The following KIF24 variants were observed in gnomAD, a reference collection of about 807,000 sequenced individuals.
KIF24 encodes the protein kinesin-like protein KIF24.
KIF24 carries 81 observed loss-of-function variants against 118.9 expected under a neutral mutation model. The ratio of observed to expected loss-of-function variants is 0.68; its 90% CI spans 0.57 to 0.82. The LOEUF is 0.82. Among genes scored for constraint, KIF24 ranks in the 40% least tolerant of loss-of-function variants. The probability of loss-of-function intolerance (pLI) is 0.00; values close to 1 mark genes in which losing one functional copy is unlikely to be tolerated. For missense variants in KIF24, 1,560 were observed against 1,661.6 expected (o/e 0.94, Z 1.06); for synonymous variants, 599 against 610.0 (o/e 0.98, Z 0.27).
chr9:34,296,139 A>G (rs1240813728), intron 4 of KIF24, among the ~76,000 whole-genome samples: 2 of 146,566 alleles, frequency 1.4e-5, no homozygotes, highest in Non-Finnish European at 3.0e-5. Flanking sequence ...GAATGGCGTG[A>G]ACCCGGGAGG....
Position 34,253,227 on chromosome 9 carries a change from AG to A in KIF24, c.*1152del, listed in dbSNP as rs1218771330. The A allele has an allele frequency of 6.6e-6, 1 of 152,244 alleles. No homozygotes were observed. Among genetic ancestry groups the A allele is most frequent in the Non-Finnish European group, 1.5e-5 (1 of 68,050 alleles). The allele number at this position is 152,244 out of a possible 1,614,324, so 9.4% of individuals were successfully genotyped here. A position where few individuals can be genotyped will look rare whatever the true frequency, so the allele number is the denominator to read the frequency against. On this transcript the variant is annotated 3_prime_UTR_variant, in exon 13 of 13. Coordinates refer to ENST00000402558, the MANE Select transcript of KIF24 (RefSeq NM_194313.4). ...AAGCCCTCCTTTTAAAACCGTAAAAAGTTATCCTTTATCTGAAGGAAATAAA... is the reference window on the plus strand; with the variant it reads ...AAGCCCTCCTTTTAAAACCGTAAAAATTATCCTTTATCTGAAGGAAATAAA...
rs769868709 is a variant in KIF24, at chr9:34,306,481, G to C, written c.624-40C>G. 13 of 1,356,972 alleles carry C rather than the reference G, an allele frequency of 9.6e-6. No individual in the cohort carries two copies. The East Asian group carries it at 3.0e-4, about 31-fold the overall frequency. 84.1% of individuals were successfully genotyped at this position (1,356,972 alleles called of 1,614,324 possible). ...AACAGGCTTTTAATTTTTAATAATA[G>C]GACAAGATTACTTAACAGGTCAAAG... On this transcript the variant is annotated intron_variant, in intron 2 of 12. Coordinates refer to ENST00000402558, the MANE Select transcript of KIF24 (RefSeq NM_194313.4).
chr9:34,254,176 A>G lies in KIF24; in HGVS notation c.*204T>C, dbSNP rs1351159591. On this transcript the variant is annotated 3_prime_UTR_variant, in exon 13 of 13. Transcript: ENST00000402558. Reference sequence around the variant, plus strand: ...CCCACCCTTGGAGGCACTCCTGTGCATGGAACTGAGGGACAGGGGCCTGTC... The same window carrying G: ...CCCACCCTTGGAGGCACTCCTGTGCGTGGAACTGAGGGACAGGGGCCTGTC... 6.4e-6 allele frequency: 3 copies of G among 470,934 alleles called. No homozygotes were observed. Among genetic ancestry groups the G allele is most frequent in the Non-Finnish European group, 1.1e-5 (3 of 270,528 alleles). The allele number at this position is 470,934 out of a possible 1,614,324, so 29.2% of individuals were successfully genotyped here.
intron 4 of KIF24, among the ~76,000 whole-genome samples, chr9:34,293,477 CA>C (rs35730248): frequency 3.9e-4 from 47 of 121,978 alleles, no homozygotes; most frequent in Non-Finnish European, 5.0e-4. Context: ...GACTCTATCT[CA>C]AAAAAAAAAA....
intron 8 of KIF24, 103 bp from the exon 9 acceptor site, chr9:34,263,275 A>T: frequency 1.3e-6 from 1 of 795,436 alleles, no homozygotes; most frequent in Non-Finnish European, 2.2e-6. Context: ...AATAAACCAC[A>T]CTCAGACAAT....
At chr9:34,254,541 G>C (rs751835344) in intron 12 of KIF24, 21 bp from the exon 13 acceptor site, 1 of 1,610,228 alleles carries the variant, frequency 6.2e-7, no homozygotes. Context: ...AACAAGGGAC[G>C]AATACAGCTT....
intron 6 of KIF24, among the ~76,000 whole-genome samples, chr9:34,281,187 G>A (rs1452265641): frequency 2.6e-5 from 4 of 151,958 alleles, no homozygotes; most frequent in Non-Finnish European, 5.9e-5. Context: ...CACCATACCC[G>A]GCTCATTTTT....
intron 1 of KIF24, among the ~76,000 whole-genome samples, chr9:34,325,247 A>G (rs1837637054): frequency 6.6e-6 from 1 of 151,736 alleles, no homozygotes; most frequent in Non-Finnish European, 1.5e-5. Context: ...TGGGAGGCTG[A>G]GATGGGAGGA....
chr9:34,276,269 G>A (rs928949515), intron 6 of KIF24, among the ~76,000 whole-genome samples: 2 of 151,584 alleles, frequency 1.3e-5, no homozygotes, highest in East Asian at 1.9e-4. Context: ...AGGGATGGTG[G>A]TGCGCACCTG....
At chr9:34,304,045 G>C (rs1352908103) in intron 3 of KIF24, among the ~76,000 whole-genome samples, 2 of 152,010 alleles carry the variant, frequency 1.3e-5, no homozygotes, top group Non-Finnish European at 2.9e-5. Flanking sequence ...AAGTTTAATG[G>C]TTTGGTAGGA....
At chr9:34,278,740 T>C (rs1322094965) in intron 6 of KIF24, among the ~76,000 whole-genome samples, 1 of 152,188 alleles carries the variant, frequency 6.6e-6, no homozygotes, top group Non-Finnish European at 1.5e-5. Flanking sequence ...AACTAAACTC[T>C]GTTGGGCAAG....
Position 34,255,719 on chromosome 9 carries a change from A to C in KIF24, c.3872+16T>G, listed in dbSNP as rs1309216498. ...TGCCAAAGGGGCTCAAGTCTTAGGG[A>C]AAGTGTCCAACTTACTGCGCTTGCT... On this transcript the variant is annotated intron_variant, in intron 11 of 12. Coordinates refer to ENST00000402558, the MANE Select transcript of KIF24 (RefSeq NM_194313.4). 1.9e-6 allele frequency: 3 copies of C among 1,591,302 alleles called. No individual in the cohort carries two copies.
chr9:34,293,416 G>C (rs1245645596), intron 4 of KIF24, among the ~76,000 whole-genome samples: 2 of 146,748 alleles, frequency 1.4e-5, no homozygotes, highest in African/African-American at 5.0e-5. Context: ...GGAGGCGGAA[G>C]TTGCAGTGAG....
intron 2 of KIF24, 75 bp downstream of exon 2, chr9:34,310,649 G>C (rs907858388): frequency 1.9e-6 from 2 of 1,031,518 alleles, no homozygotes; most frequent in Non-Finnish European, 1.4e-6. Context: ...GATGCTGTCT[G>C]CTGGACATGA....
chr9:34,254,433 A>T lies in KIF24; in HGVS notation c.4054T>A (p.Tyr1352Asn). 1.2e-6 allele frequency: 2 copies of T among 1,613,930 alleles called. No homozygotes were observed. Among genetic ancestry groups the T allele is most frequent in the Non-Finnish European group, 1.7e-6 (2 of 1,179,862 alleles). ...IQSLRSQLQLYLTCHGPTAAP... is the reference protein window; with the variant it reads ...IQSLRSQLQLNLTCHGPTAAP... Reference sequence around the variant, plus strand: ...GCGGTGGGCCCGTGGCAGGTGAGATAGAGCTGCAGCTGGCTCCTCAGACTC... The same window carrying T: ...GCGGTGGGCCCGTGGCAGGTGAGATTGAGCTGCAGCTGGCTCCTCAGACTC... The change falls in exon 13 of 13, where the codon TAT becomes AAT. Residue 1352 changes from tyrosine (Y) to asparagine (N), a missense_variant. Physicochemically the swap from Tyr to Asn is moderately radical, Grantham distance 143. Around this residue, in one of 3 missense-constraint regions of KIF24, gnomAD observed 591 missense variants for 655.6 expected, o/e 0.90. Transcript: ENST00000402558.
chr9:34,308,369 T>C (rs1009747405), intron 2 of KIF24, among the ~76,000 whole-genome samples: 7 of 151,856 alleles, frequency 4.6e-5, no homozygotes, highest in Admixed American at 2.6e-4. Flanking sequence ...CTGCAACCTC[T>C]GCCTCCTGGG....
At chr9:34,264,955 C>T (rs1036212846) in intron 8 of KIF24, among the ~76,000 whole-genome samples, 6 of 151,732 alleles carry the variant, frequency 4.0e-5, no homozygotes, top group Admixed American at 1.3e-4. Flanking sequence ...TTGAGGATGC[C>T]GTTAAGTGAC....
chr9:34,288,630 T>C (rs1412206942), intron 5 of KIF24, among the ~76,000 whole-genome samples: 2 of 151,866 alleles, frequency 1.3e-5, no homozygotes, highest in African/African-American at 4.8e-5. Flanking sequence ...TATATATATA[T>C]ATACATGAAC....
intron 5 of KIF24, among the ~76,000 whole-genome samples, chr9:34,288,818 G>A (rs1430262350): frequency 1.3e-5 from 2 of 150,418 alleles, no homozygotes; most frequent in African/African-American, 4.9e-5. Context: ...GAAAGAGCTA[G>A]ATATCCTAAC....
Sources: allele counts gnomAD v4.1 joint callset (sites outside exome capture counted in the v4.1 genomes callset), GRCh38; gene constraint gnomAD v4.1.1; regional missense constraint gnomAD v4.1.1; transcripts MANE v1.5; gene names NCBI Gene and HGNC (gene_info 2026-07-23, HGNC 2026-07-21).